Variants in LMO7 observed in about 807,000 individuals in gnomAD.
The protein encoded by LMO7 is LIM domain only protein 7.
In LMO7, 120 loss-of-function variants were observed where a neutral mutation model predicts 206.5. The ratio of observed to expected loss-of-function variants is 0.58; its 90% CI spans 0.50 to 0.68. LMO7 has a LOEUF of 0.68. LMO7 is among the 30% of genes least tolerant of loss of function. The pLI, the probability that LMO7 is intolerant of heterozygous loss-of-function variation, is 0.00. For synonymous variants in LMO7, 706 were observed against 681.5 expected, an observed-to-expected ratio of 1.04 and a Z score of -0.56; for missense variants, 1,959 against 1,957.9, an observed-to-expected ratio of 1.00 and a Z score of -0.01.
intron 3 of LMO7, among the ~76,000 whole-genome samples, chr13:75,748,171 C>T (rs2047002967): frequency 6.6e-6 from 1 of 152,056 alleles, no homozygotes. Context: ...GAACATAGTC[C>T]CAAGGGCACC....
chr13:75,764,051 A>T (rs2139794762), intron 4 of LMO7, among the ~76,000 whole-genome samples: 1 of 152,236 alleles, frequency 6.6e-6, no homozygotes, highest in Admixed American at 6.5e-5. Flanking sequence ...ACTTTGTAGG[A>T]AGCAGTAGTT....
intron 15 of LMO7, 31 bp from the exon 16 acceptor site, chr13:75,833,020 C>A: frequency 7.8e-7 from 1 of 1,281,548 alleles, no homozygotes; most frequent in Non-Finnish European, 1.1e-6. Context: ...CCAGGGACAC[C>A]GGATACCAGC....
chr13:75,827,943 T>A (rs1566561184), intron 15 of LMO7, among the ~76,000 whole-genome samples: 1 of 152,216 alleles, frequency 6.6e-6, no homozygotes, highest in East Asian at 1.9e-4. Context: ...AGCTTCATAC[T>A]GTGCATTTTG....
Position 75,823,679 on chromosome 13 carries a change from T to A in LMO7, c.2755T>A (p.Ser919Thr). Residue 919 changes from serine to threonine, a missense_variant, in exon 15 of 31, where the codon TCT becomes ACT. By Grantham distance (58) the Ser-to-Thr change is moderately conservative. Coordinates refer to ENST00000377534, the MANE Select transcript of LMO7 (RefSeq NM_001306080.2). ...CGCAAGCCAACTGGCTTCAAGCTTA[T>A]CTAGCCAGAAAGAGGTAGCAGCAAC... ...PDASQLASSL[S>T]SQKEVAATEE... The A allele has an allele frequency of 1.9e-6, 3 of 1,614,160 alleles. No individual in the cohort carries two copies. The highest frequency in any genetic ancestry group is 2.5e-6 in the Non-Finnish European group (3 of 1,180,012).
At chr13:75,771,213 T>C (rs1295287523) in intron 4 of LMO7, among the ~76,000 whole-genome samples, 1 of 152,122 alleles carries the variant, frequency 6.6e-6, no homozygotes, top group East Asian at 1.9e-4. Flanking sequence ...ATCATTTATT[T>C]GATTTTTTTA....
chr13:75,746,863 T>C (rs1474596468), intron 3 of LMO7, among the ~76,000 whole-genome samples: 1 of 152,104 alleles, frequency 6.6e-6, no homozygotes, highest in Non-Finnish European at 1.5e-5. Context: ...AAATCTTAAA[T>C]AGTTGAGTAA....
At chr13:75,641,924 T>C (rs1371072440) in intron 1 of LMO7, among the ~76,000 whole-genome samples, 1 of 152,060 alleles carries the variant, frequency 6.6e-6, no homozygotes, top group East Asian at 1.9e-4. Context: ...CCTCCTAAAG[T>C]GCTGGGATTA....
At chr13:75,656,938 G>A (rs1303376014) in intron 1 of LMO7, among the ~76,000 whole-genome samples, 3 of 152,166 alleles carry the variant, frequency 2.0e-5, no homozygotes, top group Admixed American at 2.0e-4. Context: ...CTAGCCCCCG[G>A]TACCGCAGAA....
chr13:75,725,254 T>C (rs1410222099), intron 2 of LMO7, among the ~76,000 whole-genome samples: 2 of 152,088 alleles, frequency 1.3e-5, no homozygotes, highest in Admixed American at 6.6e-5. Context: ...GTGACTCAAA[T>C]AGGTGGAGCA....
At chr13:75,635,002 TCAAAACAAAACAAAACAAAA>T (rs3036380), upstream of LMO7, among the ~76,000 whole-genome samples, 16 of 136,520 alleles carry the variant, frequency 1.2e-4, 1 homozygote, top group South Asian at 2.5e-4. Context: ...AGACTCCATC[TCAAAACAAAACAAAACAAAA>T]CAAAACAAAA....
chr13:75,791,850 A>G (rs2053331740), intron 4 of LMO7, among the ~76,000 whole-genome samples: 1 of 152,106 alleles, frequency 6.6e-6, no homozygotes, highest in South Asian at 2.1e-4. Flanking sequence ...GGCTATCATC[A>G]TACCCAAGAT....
intron 3 of LMO7, among the ~76,000 whole-genome samples, chr13:75,759,421 G>A (rs1352762783): frequency 2.0e-5 from 3 of 152,020 alleles, no homozygotes; most frequent in African/African-American, 4.8e-5. Context: ...GAAACTATGG[G>A]CCTAACAAAA....
chr13:75,740,324 C>G (rs2046312736), intron 3 of LMO7, among the ~76,000 whole-genome samples: 1 of 152,216 alleles, frequency 6.6e-6, no homozygotes, highest in Admixed American at 6.5e-5. Flanking sequence ...TTTGGTCACT[C>G]ACGCCTGTAA....
intron 4 of LMO7, among the ~76,000 whole-genome samples, chr13:75,776,110 T>TATATAC (rs1555317125): frequency 6.0e-5 from 6 of 99,238 alleles, no homozygotes; most frequent in African/African-American, 1.9e-4. Flanking sequence ...TATATATATA[T>TATATAC]ATACATACAT....
At chr13:75,790,668 A>G (rs2053144282) in intron 4 of LMO7, among the ~76,000 whole-genome samples, 1 of 152,176 alleles carries the variant, frequency 6.6e-6, no homozygotes, top group East Asian at 1.9e-4. Context: ...CTAAGTTAAC[A>G]TAGTAGCAGT....
At chr13:75,850,297 A>G (rs896260478) in intron 27 of LMO7, among the ~76,000 whole-genome samples, 1 of 152,254 alleles carries the variant, frequency 6.6e-6, no homozygotes, top group African/African-American at 2.4e-5. Flanking sequence ...ATATGGAAAT[A>G]GGAGTTCTTC....
intron 11 of LMO7, among the ~76,000 whole-genome samples, chr13:75,810,304 C>T (rs1275987470): frequency 6.6e-6 from 1 of 152,262 alleles, no homozygotes; most frequent in East Asian, 1.9e-4. Context: ...AAGTATCTTC[C>T]CTTATGAGGA....
intron 3 of LMO7, among the ~76,000 whole-genome samples, chr13:75,750,120 A>G (rs2047155009): frequency 6.6e-6 from 1 of 152,114 alleles, no homozygotes; most frequent in South Asian, 2.1e-4. Context: ...TAGAAACGGT[A>G]TAATTAAAAT....
At chr13:75,787,583 T>C (rs2052635677) in intron 4 of LMO7, among the ~76,000 whole-genome samples, 1 of 152,196 alleles carries the variant, frequency 6.6e-6, no homozygotes, top group Non-Finnish European at 1.5e-5. Flanking sequence ...TTCTAAGTTT[T>C]TTTCTCAATT....
Sources: gnomAD v4.1 joint callset for allele counts (sites outside exome capture counted in the v4.1 genomes callset) on GRCh38, gnomAD v4.1.1 for gene constraint, MANE v1.5 for transcripts, NCBI Gene and HGNC (gene_info 2026-07-23, HGNC 2026-07-21) for gene names.